C1orf21: variants seen among roughly 807,000 people sequenced by gnomAD.
C1orf21 encodes the protein uncharacterized protein C1orf21.
C1orf21 carries 3 observed loss-of-function variants against 18.7 expected under a neutral mutation model. The observed-to-expected ratio is 0.16, with a 90% confidence interval of 0.07 to 0.42. C1orf21 has a LOEUF of 0.42. Among genes scored for constraint, C1orf21 ranks in the 10% least tolerant of loss-of-function variants. C1orf21 has a pLI of 0.99. For missense variants in C1orf21, 104 were observed against 143.6 expected (o/e 0.72, Z 1.41); for synonymous variants, 41 against 46.4 (o/e 0.88, Z 0.47).
intron 1 of C1orf21, among the ~76,000 whole-genome samples, chr1:184,398,505 G>A (rs1427410724): frequency 6.6e-6 from 1 of 152,150 alleles, no homozygotes; most frequent in African/African-American, 2.4e-5. Context: ...AAGCAAATCA[G>A]ACATTGTATT....
At position 184,421,239 on chromosome 1, in the gene C1orf21, A is replaced by C. The variant is rs111981698; in HGVS notation, c.-125+33871A>C. Among the ~76,000 whole-genome samples, 126 of 152,288 alleles carry C rather than the reference A, an allele frequency of 8.3e-4. 2 individuals carry two copies. The highest frequency in any genetic ancestry group is 3.0e-3 in the African/African-American group (124 of 41,550). ...ACTCCTGAGCTCAAGGGCCTGCCTC[A>C]GCCTCCCAAGGCATGCCACCATACC... On this transcript the variant is annotated intron_variant, in intron 1 of 5. Transcript: ENST00000235307.
intron 3 of C1orf21, chr1:184,539,977 C>T (rs372535603): frequency 1.3e-5 from 2 of 152,200 alleles, no homozygotes; most frequent in African/African-American, 4.8e-5. Context: ...CTGTGATGAA[C>T]ATGTACCCAC....
chr1:184,562,660 ATTC>A (rs959587791), intron 3 of C1orf21, among the ~76,000 whole-genome samples: 1 of 152,254 alleles, frequency 6.6e-6, no homozygotes, highest in African/African-American at 2.4e-5. Context: ...CACACGAATG[ATTC>A]TTCTTCATTT....
intron 1 of C1orf21, among the ~76,000 whole-genome samples, chr1:184,428,217 C>A (rs1656672075): frequency 8.3e-6 from 1 of 120,292 alleles, no homozygotes; most frequent in South Asian, 2.6e-4. Context: ...ACTATTGGAA[C>A]ATTTTCCAGA....
intron 5 of C1orf21, among the ~76,000 whole-genome samples, chr1:184,613,263 G>A (rs1659767253): frequency 6.6e-6 from 1 of 152,182 alleles, no homozygotes; most frequent in African/African-American, 2.4e-5. Flanking sequence ...GTACGTATGT[G>A]TAGGAAAAAT....
intron 1 of C1orf21, among the ~76,000 whole-genome samples, chr1:184,420,933 C>T (rs1174578880): frequency 6.6e-6 from 1 of 152,072 alleles, no homozygotes; most frequent in Non-Finnish European, 1.5e-5. Flanking sequence ...CTTCTTGCTT[C>T]CTTTCTGTTA....
At chr1:184,575,062 A>G (rs1026901701) in intron 3 of C1orf21, among the ~76,000 whole-genome samples, 16 of 152,236 alleles carry the variant, frequency 1.1e-4, no homozygotes, top group African/African-American at 3.9e-4. Flanking sequence ...AAAGGACTAC[A>G]GGATCCTGTT....
At chr1:184,415,668 G>C (rs1054531808) in intron 1 of C1orf21, among the ~76,000 whole-genome samples, 1 of 152,278 alleles carries the variant, frequency 6.6e-6, no homozygotes, top group South Asian at 2.1e-4. Flanking sequence ...GCTCAATGAA[G>C]TTAGAAAGCC....
chr1:184,587,227 G>C (rs1659366349), intron 3 of C1orf21, among the ~76,000 whole-genome samples: 1 of 108,068 alleles, frequency 9.3e-6, no homozygotes, highest in South Asian at 2.9e-4. Flanking sequence ...CTCCAGCTTT[G>C]TTCTTTTTCC....
intron 3 of C1orf21, among the ~76,000 whole-genome samples, chr1:184,537,962 C>A (rs979100393): frequency 6.6e-6 from 1 of 152,266 alleles, no homozygotes; most frequent in African/African-American, 2.4e-5. Context: ...AATTTCAATT[C>A]TCTTGGGCAC....
At chr1:184,587,588 C>T (rs1659376016) in intron 3 of C1orf21, among the ~76,000 whole-genome samples, 1 of 144,240 alleles carries the variant, frequency 6.9e-6, no homozygotes, top group African/African-American at 2.5e-5. Context: ...GGACTGCATT[C>T]CTAATTTAGC....
intron 3 of C1orf21, among the ~76,000 whole-genome samples, chr1:184,571,846 G>A (rs1373245502): frequency 2.0e-5 from 3 of 152,192 alleles, no homozygotes; most frequent in Non-Finnish European, 4.4e-5. Flanking sequence ...AGATGGACAT[G>A]CAGAGTTTCT....
chr1:184,613,667 G>A (rs1007701429), intron 5 of C1orf21, among the ~76,000 whole-genome samples: 55 of 152,038 alleles, frequency 3.6e-4, no homozygotes, highest in African/African-American at 1.3e-3. Flanking sequence ...CCACACCCCA[G>A]CACTGCTTCC....
intron 3 of C1orf21, among the ~76,000 whole-genome samples, chr1:184,575,611 T>TAAAAAAAAAAAAAAAAAA (rs59167087): frequency 3.6e-5 from 3 of 83,494 alleles, no homozygotes; most frequent in East Asian, 3.0e-4. Context: ...CACAAAAAGG[T>TAAAAAAAAAAAAAAAAAA]AAAAAAAAAA....
At chr1:184,493,805 A>G (rs917361652) in intron 2 of C1orf21, among the ~76,000 whole-genome samples, 2 of 152,208 alleles carry the variant, frequency 1.3e-5, no homozygotes, top group African/African-American at 4.8e-5. Flanking sequence ...TTTGGAGTGC[A>G]GCTTTCCTCC....
chr1:184,407,686 A>G (rs767752830), intron 1 of C1orf21, among the ~76,000 whole-genome samples: 2 of 152,150 alleles, frequency 1.3e-5, no homozygotes, highest in African/African-American at 2.4e-5. Flanking sequence ...TTGAAGCATC[A>G]TGACTTTTGT....
chr1:184,528,133 A>G (rs751924693), intron 3 of C1orf21, among the ~76,000 whole-genome samples: 4 of 152,202 alleles, frequency 2.6e-5, no homozygotes, highest in African/African-American at 9.6e-5. Flanking sequence ...ATAGAAATAA[A>G]ATTTTTCCAC....
At chr1:184,498,100 C>T (rs543479582) in intron 2 of C1orf21, among the ~76,000 whole-genome samples, 1 of 152,290 alleles carries the variant, frequency 6.6e-6, no homozygotes, top group African/African-American at 2.4e-5. Context: ...TCCAGACCGC[C>T]ACAATTCTCC....
chr1:184,414,057 T>A (rs191518452), intron 1 of C1orf21, among the ~76,000 whole-genome samples: 196 of 152,294 alleles, frequency 1.3e-3, no homozygotes, highest in African/African-American at 4.6e-3. Context: ...AGGTGTGCCT[T>A]GAGAACTGCA....
Sources: allele counts gnomAD v4.1 joint callset (sites outside exome capture counted in the v4.1 genomes callset), GRCh38; gene constraint gnomAD v4.1.1; transcripts MANE v1.5; gene names NCBI Gene and HGNC (gene_info 2026-07-23, HGNC 2026-07-21).